Variants in FMO1 observed in about 807,000 individuals in gnomAD.
FMO1 encodes the protein flavin containing dimethylaniline monoxygenase 1.
A neutral mutation model predicts 45.4 loss-of-function variants in FMO1; 36 were observed. The observed-to-expected ratio is 0.79, with a 90% CI of 0.61 to 1.05. FMO1 has a LOEUF of 1.05. FMO1 is among the 50% of genes least tolerant of loss of function. The pLI, the probability that FMO1 is intolerant of heterozygous loss-of-function variation, is 0.00. For synonymous variants in FMO1, 228 were observed against 227.2 expected (o/e 1.00, Z -0.03); for missense variants, 615 against 640.3 (o/e 0.96, Z 0.43).
At chr1:171,258,644 G>A (rs962681465) in intron 2 of FMO1, among the ~76,000 whole-genome samples, 1 of 152,208 alleles carries the variant, frequency 6.6e-6, no homozygotes, top group Non-Finnish European at 1.5e-5. Flanking sequence ...TCCCAGCCTG[G>A]CTCCGTCTGC....
intron 4 of FMO1, among the ~76,000 whole-genome samples, chr1:171,275,994 G>A (rs1384849386): frequency 2.0e-5 from 3 of 152,096 alleles, no homozygotes; most frequent in African/African-American, 4.8e-5. Context: ...TAGTCAAGAG[G>A]GAGATTAGTC....
At chr1:171,265,249 A>G (rs1325494185) in intron 2 of FMO1, among the ~76,000 whole-genome samples, 4 of 150,114 alleles carry the variant, frequency 2.7e-5, no homozygotes, top group Admixed American at 1.3e-4. Flanking sequence ...AAATTAGCCA[A>G]GCGTGGTGGC....
intron 5 of FMO1, 68 bp from the exon 6 acceptor site, chr1:171,280,718 A>C: frequency 1.5e-6 from 2 of 1,359,692 alleles, no homozygotes; most frequent in Non-Finnish European, 1.0e-6. Context: ...ACACTTCTTG[A>C]ATCTCTGGCA....
In FMO1 at chr1:171,275,499, T is replaced by TC; in HGVS notation, c.477dup (p.Phe160LeufsTer5). 3.7e-6 allele frequency: 6 copies of TC among 1,611,010 alleles called. No homozygotes were observed. Among genetic ancestry groups the TC allele is most frequent in the Non-Finnish European group, 5.1e-6 (6 of 1,178,334 alleles). On this transcript the variant is annotated frameshift_variant, in exon 4 of 9. Coordinates refer to ENST00000617670, the MANE Select transcript of FMO1 (RefSeq NM_001282693.2). LOFTEE classifies it high-confidence loss of function. ...TACTAATCCTTATTTGCCACTGGAT[T>TC]CCTTTCCAGGTACAGCATTTTCTGT...
At chr1:171,276,199 A>G (rs1661100712) in intron 4 of FMO1, among the ~76,000 whole-genome samples, 1 of 152,210 alleles carries the variant, frequency 6.6e-6, no homozygotes, top group African/African-American at 2.4e-5. Flanking sequence ...CAAATCATCT[A>G]ATGATTGCCT....
intron 4 of FMO1, 127 bp downstream of exon 4, chr1:171,275,635 T>C (rs753130894): frequency 1.0e-5 from 7 of 673,534 alleles, no homozygotes; most frequent in Middle Eastern, 4.0e-4. Flanking sequence ...GGAGGAGGCT[T>C]TTTTTGTTTT....
intron 3 of FMO1, among the ~76,000 whole-genome samples, chr1:171,272,836 C>T (rs1465361946): frequency 6.6e-6 from 1 of 152,178 alleles, no homozygotes; most frequent in Non-Finnish European, 1.5e-5. Context: ...AGGGACTTGC[C>T]ATGTCTCAGT....
In FMO1 at chr1:171,285,799, A is replaced by T; in HGVS notation, c.*255A>T. The T allele has an allele frequency of 3.1e-6, 1 of 322,536 alleles. No individual in the cohort carries two copies. The highest frequency in any genetic ancestry group is 5.6e-6 in the Non-Finnish European group (1 of 179,440). The allele number at this position is 322,536 out of a possible 1,614,324, so 20.0% of individuals were successfully genotyped here. A position where few individuals can be genotyped will look rare whatever the true frequency, so the allele number is the denominator to read the frequency against. On this transcript the variant is annotated 3_prime_UTR_variant, in exon 9 of 9. Transcript: ENST00000617670. ...GGAAAGTTACAGGTTCATTTTAGAA[A>T]GAAAGCTGTTCTTGACAGCACTCTG...
At chr1:171,277,302 C>A (rs931133675) in intron 4 of FMO1, among the ~76,000 whole-genome samples, 21 of 152,074 alleles carry the variant, frequency 1.4e-4, no homozygotes, top group African/African-American at 5.1e-4. Context: ...GAAGCAATTC[C>A]AGAGAAGGTG....
chr1:171,258,610 T>G (rs1450686313), intron 2 of FMO1, among the ~76,000 whole-genome samples: 1 of 152,208 alleles, frequency 6.6e-6, no homozygotes, highest in Non-Finnish European at 1.5e-5. Flanking sequence ...CCTGCAAGAC[T>G]GAGCTGCTTT....
At position 171,278,829 on chromosome 1, in the gene FMO1, T is replaced by C. The variant is rs1243369856; in HGVS notation, c.585T>C (p.Ser195=). The change falls in exon 5 of 9, where the codon TCT becomes TCC. Residue 195 remains serine (S), a synonymous_variant. Transcript: ENST00000617670. ...KRVLVIGMGN[S]GTDIAVEASH... is the part of the protein sequence containing the mutation. Reference sequence around the variant, plus strand: ...TCCTTGTGATTGGAATGGGAAATTCTGGCACAGACATTGCTGTGGAGGCCA... The same window carrying C: ...TCCTTGTGATTGGAATGGGAAATTCCGGCACAGACATTGCTGTGGAGGCCA... The C allele has an allele frequency of 1.2e-6, 2 of 1,612,994 alleles. No individual in the cohort carries two copies. Among genetic ancestry groups the C allele is most frequent in the African/African-American group, 2.7e-5 (2 of 74,908 alleles).
Position 171,267,652 on chromosome 1 carries a change from A to G in FMO1, c.242A>G (p.Tyr81Cys). 6.2e-7 allele frequency: 1 copy of G among 1,614,102 alleles called. No homozygotes were observed. The highest frequency in any genetic ancestry group is 8.5e-7 in the Non-Finnish European group (1 of 1,179,930). Reference protein sequence around the residue: ...DFPFPEDYPNYVPNSQFLEYL... With the variant: ...DFPFPEDYPNCVPNSQFLEYL... ...CCATTCCCAGAAGATTATCCAAACT[A>G]TGTGCCAAATTCTCAATTCCTGGAA... The change falls in exon 3 of 9, where the codon TAT becomes TGT. Residue 81 changes from tyrosine (Y) to cysteine (C), a missense_variant. Physicochemically the swap from Tyr to Cys is radical, Grantham distance 194. Transcript: ENST00000617670.
chr1:171,266,848 T>C (rs577657764), intron 2 of FMO1, among the ~76,000 whole-genome samples: 2 of 152,330 alleles, frequency 1.3e-5, no homozygotes, highest in African/African-American at 4.8e-5. Flanking sequence ...ATTAAAGACA[T>C]TACTAAAACT....
At chr1:171,281,881 GGAGAGAGCCCCAGAAT>G (rs2101843052) in intron 6 of FMO1, 81 bp from the exon 7 acceptor site, 1 of 672,974 alleles carries the variant, frequency 1.5e-6, no homozygotes, top group Non-Finnish European at 2.5e-6. Context: ...GTCCAACCAA[GGAGAGAGCCCCAGAAT>G]GAGAGAGGGA....
intron 5 of FMO1, among the ~76,000 whole-genome samples, chr1:171,279,304 G>A (rs7538929): frequency 0.011 from 1,717 of 152,120 alleles, 34 homozygotes; most frequent in African/African-American, 0.039. Flanking sequence ...AATAATAGTT[G>A]TAGAAATAGT....
chr1:171,263,531 G>A (rs1660468369), intron 2 of FMO1, among the ~76,000 whole-genome samples: 1 of 152,042 alleles, frequency 6.6e-6, no homozygotes, highest in Non-Finnish European at 1.5e-5. Flanking sequence ...AGTGGTGATG[G>A]TGACCTCCCA....
rs780996075 is a variant in FMO1 at position 171,278,836 on chromosome 1, G to A, written c.592G>A (p.Asp198Asn). ...GATTGGAATGGGAAATTCTGGCACA[G>A]ACATTGCTGTGGAGGCCAGCCACCT... ...LVIGMGNSGT[D>N]IAVEASHLAE... The change falls in exon 5 of 9, where the codon GAC becomes AAC. Residue 198 changes from aspartate to asparagine, a missense_variant. Coordinates refer to ENST00000617670, the MANE Select transcript of FMO1 (RefSeq NM_001282693.2). 1 of 1,612,782 alleles carries A rather than the reference G, an allele frequency of 6.2e-7. No homozygotes were observed. The highest frequency in any genetic ancestry group is 8.5e-7 in the Non-Finnish European group (1 of 1,179,132).
chr1:171,260,436 G>C (rs75788809), intron 2 of FMO1, among the ~76,000 whole-genome samples: 3,345 of 152,218 alleles, frequency 0.022, 61 homozygotes, highest in Middle Eastern at 0.037. Flanking sequence ...GGTTAGCCCT[G>C]GCAAGGTGGG....
intron 3 of FMO1, among the ~76,000 whole-genome samples, chr1:171,272,769 C>T (rs1249617585): frequency 6.6e-6 from 1 of 152,204 alleles, no homozygotes; most frequent in Non-Finnish European, 1.5e-5. Context: ...TGCCTGTACC[C>T]CCACTGTTTC....
Sources: allele counts gnomAD v4.1 joint callset (sites outside exome capture counted in the v4.1 genomes callset), GRCh38; gene constraint gnomAD v4.1.1; transcripts MANE v1.5; gene names NCBI Gene and HGNC (gene_info 2026-07-23, HGNC 2026-07-21).